Variants in ZNF726 observed in about 807,000 individuals in gnomAD.
The protein encoded by ZNF726 is zinc finger protein 726.
A neutral mutation model predicts 11.6 loss-of-function variants in ZNF726; 15 were observed. The ratio of observed to expected loss-of-function variants is 1.29; its 90% CI spans 0.86 to 1.99. The LOEUF is 1.99. Among genes scored for constraint, ZNF726 ranks in the 30% most tolerant of loss-of-function variants. ZNF726 has a pLI of 0.00. For synonymous variants in ZNF726, 295 were observed against 243.6 expected (o/e 1.21, Z -1.96); for missense variants, 890 against 725.6 (o/e 1.23, Z -2.60).
intron 1 of ZNF726, among the ~76,000 whole-genome samples, chr19:23,917,645 A>T (rs1273813280): frequency 6.6e-6 from 1 of 152,142 alleles, no homozygotes; most frequent in Non-Finnish European, 1.5e-5. Context: ...GAATATCTTT[A>T]TTCTGTATCC....
intron 3 of ZNF726, chr19:23,923,552 T>G (rs1244636378): frequency 9.7e-6 from 2 of 206,034 alleles, no homozygotes; most frequent in Non-Finnish European, 2.0e-5. Context: ...GCTGGGACTA[T>G]AGGTGCCGAC....
At chr19:23,922,986 T>A (rs1472100464) in intron 3 of ZNF726, among the ~76,000 whole-genome samples, 1 of 152,070 alleles carries the variant, frequency 6.6e-6, no homozygotes, top group Non-Finnish European at 1.5e-5. Flanking sequence ...ATTTTCTACT[T>A]CAAATTTGTC....
chr19:23,915,219 T>A (rs1459628830), intron 1 of ZNF726, among the ~76,000 whole-genome samples: 1 of 152,116 alleles, frequency 6.6e-6, no homozygotes, highest in African/African-American at 2.4e-5. Flanking sequence ...GACTGTGCCC[T>A]GGCCTGGAGC....
downstream of ZNF726, among the ~76,000 whole-genome samples, chr19:23,937,032 G>A (rs1196152831): frequency 7.6e-4 from 115 of 151,844 alleles, 1 homozygote; most frequent in African/African-American, 2.6e-3. Context: ...CAGTAGGGGC[G>A]GCTGGGCAGA....
chr19:23,917,052 G>A (rs1334719147), intron 1 of ZNF726, among the ~76,000 whole-genome samples: 1 of 152,154 alleles, frequency 6.6e-6, no homozygotes, highest in Non-Finnish European at 1.5e-5. Context: ...CTGACTTCAG[G>A]TGATTGTCAT....
chr19:23,934,574 A>ACTGT, downstream of ZNF726: 1 of 354,300 alleles, frequency 2.8e-6, no homozygotes, highest in South Asian at 2.2e-5. Flanking sequence ...TAGAATCAAG[A>ACTGT]AGGGTGTACA....
At chr19:23,915,780 C>T (rs919466394) in intron 1 of ZNF726, among the ~76,000 whole-genome samples, 1 of 151,974 alleles carries the variant, frequency 6.6e-6, no homozygotes, top group African/African-American at 2.4e-5. Context: ...GGGGGTTTCA[C>T]CGTGTTGGTC....
intron 3 of ZNF726, among the ~76,000 whole-genome samples, chr19:23,922,172 G>A (rs887810234): frequency 1.3e-5 from 2 of 152,200 alleles, no homozygotes; most frequent in Non-Finnish European, 1.5e-5. Context: ...TTAAATTTTA[G>A]ACAGAGTGAG....
downstream of ZNF726, among the ~76,000 whole-genome samples, chr19:23,938,854 A>G (rs568338184): frequency 3.9e-5 from 6 of 152,236 alleles, no homozygotes; most frequent in African/African-American, 1.2e-4. Context: ...TGATCCACCC[A>G]CATCAGCCTC....
chr19:23,933,372 A>T lies in ZNF726; in HGVS notation c.1256A>T (p.His419Leu). ...SSNLTKHKII[H>L]TGEKPYKCEE... Reference sequence around the variant, plus strand: ...AATCTTACTAAACATAAGATAATTCATACTGGAGAGAAACCTTACAAGTGT... The same window carrying T: ...AATCTTACTAAACATAAGATAATTCTTACTGGAGAGAAACCTTACAAGTGT... The change falls in exon 4 of 4, where the codon CAT (histidine) becomes CTT (leucine). Residue 419 changes from histidine (H) to leucine (L), a missense_variant. Physicochemically the swap from His to Leu is moderately conservative, Grantham distance 99 (BLOSUM62 -3). Coordinates refer to ENST00000594466, the MANE Select transcript of ZNF726 (RefSeq NM_001244038.2). The T allele has an allele frequency of 1.2e-6, 2 of 1,613,016 alleles. No homozygotes were observed. Among genetic ancestry groups the T allele is most frequent in the South Asian group, 1.1e-5 (1 of 91,016 alleles).
At chr19:23,930,769 A>T (rs1324482313) in intron 3 of ZNF726, among the ~76,000 whole-genome samples, 1 of 152,188 alleles carries the variant, frequency 6.6e-6, no homozygotes, top group Non-Finnish European at 1.5e-5. Flanking sequence ...AATATAATTT[A>T]AAACAATCAT....
downstream of ZNF726, chr19:23,935,409 C>A (rs1246594192): frequency 3.8e-6 from 2 of 522,984 alleles, no homozygotes; most frequent in South Asian, 1.4e-5. Flanking sequence ...AGCCTTTAAC[C>A]AGTCCTCACA....
In ZNF726 at chr19:23,932,588, A is replaced by G. The variant is rs373345443; in HGVS notation, c.472A>G (p.Ile158Val). The G allele has an allele frequency of 1.0e-5, 16 of 1,547,084 alleles. No individual in the cohort carries two copies. In the East Asian group the frequency reaches 2.9e-4, roughly 28 times the overall value. The change falls in exon 4 of 4, where the codon ATA becomes GTA. Residue 158 changes from isoleucine (I) to valine (V), a missense_variant. Ile to Val is a conservative substitution (Grantham distance 29). Coordinates refer to ENST00000594466, the MANE Select transcript of ZNF726 (RefSeq NM_001244038.2). ...GKYLKVFYKF[I>V]NLNRYKIRHT... ...ATATTTGAAAGTCTTTTATAAATTT[A>G]TAAATTTAAACAGATATAAGATAAG...
At chr19:23,919,591 T>C in intron 2 of ZNF726, 92 bp downstream of exon 2, 1 of 1,420,140 alleles carries the variant, frequency 7.0e-7, no homozygotes, top group Non-Finnish European at 9.3e-7. Context: ...TGCTTTCCTA[T>C]TTCTGTTTTC....
chr19:23,931,517 G>C (rs934006165), intron 3 of ZNF726, among the ~76,000 whole-genome samples: 1 of 151,838 alleles, frequency 6.6e-6, no homozygotes, highest in African/African-American at 2.4e-5. Flanking sequence ...GTTTCTTTCA[G>C]AAAATTTTAT....
Position 23,919,479 on chromosome 19 carries a change from A to G in ZNF726, c.110A>G (p.Tyr37Cys), listed in dbSNP as rs758616757. 2.0e-5 allele frequency: 32 copies of G among 1,603,274 alleles called. No homozygotes were observed. Among genetic ancestry groups the G allele is most frequent in the Admixed American group, 5.1e-5 (3 of 58,834 alleles). Reference sequence around the variant, plus strand: ...TATAGGAATGTGATGTTAGAGAACTACAGAAACCTGGCCTTCCTGGGTGAG... The same window carrying G: ...TATAGGAATGTGATGTTAGAGAACTGCAGAAACCTGGCCTTCCTGGGTGAG... ...NLYRNVMLEN[Y>C]RNLAFLGIAV... The change falls in exon 2 of 4, where the codon TAC becomes TGC. Residue 37 changes from tyrosine to cysteine, a missense_variant. Coordinates refer to ENST00000594466, the MANE Select transcript of ZNF726 (RefSeq NM_001244038.2).
At chr19:23,925,931 G>A (rs1489298984) in intron 3 of ZNF726, among the ~76,000 whole-genome samples, 1 of 151,594 alleles carries the variant, frequency 6.6e-6, no homozygotes, top group African/African-American at 2.4e-5. Context: ...TGGTCAGGAT[G>A]GTCTGGAACA....
chr19:23,941,042 A>G (rs1184790089), intron 3 of ZNF726, among the ~76,000 whole-genome samples: 1 of 152,026 alleles, frequency 6.6e-6, no homozygotes, highest in African/African-American at 2.4e-5. Context: ...GAGAATGGGC[A>G]TCCTTTCTTT....
chr19:23,930,214 G>A (rs1373369313), intron 3 of ZNF726, among the ~76,000 whole-genome samples: 1 of 151,888 alleles, frequency 6.6e-6, no homozygotes, highest in Non-Finnish European at 1.5e-5. Flanking sequence ...AATATTATTG[G>A]TTAGAAATAT....
Sources: allele counts gnomAD v4.1 joint callset (sites outside exome capture counted in the v4.1 genomes callset), GRCh38; gene constraint gnomAD v4.1.1; transcripts MANE v1.5; gene names NCBI Gene and HGNC (gene_info 2026-07-23, HGNC 2026-07-21).